Variants in ZNF148 observed in about 807,000 individuals in gnomAD.
ZNF148 encodes Beta-Enolase Repressor Factor-1.
Under a neutral mutation model 67.7 loss-of-function variants are expected in ZNF148, and 7 were observed. The ratio of observed to expected loss-of-function variants is 0.10; its 90% CI spans 0.06 to 0.19. The LOEUF is 0.19. Among genes scored for constraint, ZNF148 ranks in the 10% least tolerant of loss-of-function variants. ZNF148 has a pLI of 1.00. For synonymous variants in ZNF148, 333 were observed against 330.7 expected (o/e 1.01, Z -0.08); for missense variants, 583 against 947.1 (o/e 0.62, Z 5.05).
chr3:125,264,901 G>A (rs537481801), intron 7 of ZNF148, among the ~76,000 whole-genome samples: 5 of 152,200 alleles, frequency 3.3e-5, no homozygotes, highest in South Asian at 2.1e-4. Context: ...TTCCTTCAGG[G>A]GAAAAAAATT....
chr3:125,283,836 A>G (rs1182783516), intron 5 of ZNF148, among the ~76,000 whole-genome samples: 2 of 152,142 alleles, frequency 1.3e-5, no homozygotes, highest in Non-Finnish European at 2.9e-5. Context: ...AACAATATAT[A>G]ATAAATTGCT....
At chr3:125,253,291 T>C (rs1188664170) in intron 7 of ZNF148, among the ~76,000 whole-genome samples, 1 of 152,222 alleles carries the variant, frequency 6.6e-6, no homozygotes, top group Admixed American at 6.5e-5. Flanking sequence ...TTCTATTCAT[T>C]GGTATACATA....
intron 1 of ZNF148, among the ~76,000 whole-genome samples, chr3:125,359,518 GAAAGT>G (rs556877253): frequency 7.1e-4 from 108 of 152,174 alleles, no homozygotes; most frequent in African/African-American, 2.5e-3. Flanking sequence ...AGACAAAAAA[GAAAGT>G]AAAGAGTCCA....
intron 1 of ZNF148, among the ~76,000 whole-genome samples, chr3:125,354,467 T>C (rs12695453): frequency 0.77 from 117,707 of 152,206 alleles, 46,073 homozygotes; most frequent in African/African-American, 0.86. Flanking sequence ...GACAATACAC[T>C]GCTTAAGCAA....
At chr3:125,273,986 C>G (rs546370067) in intron 7 of ZNF148, among the ~76,000 whole-genome samples, 13 of 152,220 alleles carry the variant, frequency 8.5e-5, no homozygotes, top group African/African-American at 2.6e-4. Flanking sequence ...GTTTTTTACT[C>G]CTCAATCCCT....
chr3:125,270,547 T>C (rs1195097718), intron 7 of ZNF148, among the ~76,000 whole-genome samples: 1 of 152,210 alleles, frequency 6.6e-6, no homozygotes, highest in Non-Finnish European at 1.5e-5. Flanking sequence ...CTGTAGAATG[T>C]AAAATAATTT....
intron 1 of ZNF148, among the ~76,000 whole-genome samples, chr3:125,350,189 T>C (rs1452088048): frequency 1.3e-5 from 2 of 152,090 alleles, no homozygotes; most frequent in Non-Finnish European, 2.9e-5. Context: ...AGACAGAGTC[T>C]CACTCTGTCA....
intron 5 of ZNF148, among the ~76,000 whole-genome samples, chr3:125,285,890 T>C (rs1482957477): frequency 6.6e-6 from 1 of 152,168 alleles, no homozygotes; most frequent in Non-Finnish European, 1.5e-5. Context: ...AAATGATACA[T>C]TATAAATGAG....
At chr3:125,361,536 A>G (rs147882324) in intron 1 of ZNF148, among the ~76,000 whole-genome samples, 171 of 152,286 alleles carry the variant, frequency 1.1e-3, no homozygotes, top group African/African-American at 3.9e-3. Context: ...AGAGCCATCA[A>G]CTGAAAAGTG....
intron 7 of ZNF148, among the ~76,000 whole-genome samples, chr3:125,254,348 T>TG (rs986610740): frequency 2.0e-5 from 3 of 152,190 alleles, no homozygotes; most frequent in African/African-American, 7.2e-5. Context: ...AATGTGTACT[T>TG]GGTTACTGTT....
chr3:125,346,947 T>C (rs1484941650), intron 1 of ZNF148, among the ~76,000 whole-genome samples: 1 of 152,098 alleles, frequency 6.6e-6, no homozygotes, highest in Non-Finnish European at 1.5e-5. Flanking sequence ...GACATGATCA[T>C]ATATATAGAA....
At chr3:125,334,304 C>A (rs1432347227) in intron 1 of ZNF148, among the ~76,000 whole-genome samples, 1 of 152,064 alleles carries the variant, frequency 6.6e-6, no homozygotes, top group Non-Finnish European at 1.5e-5. Flanking sequence ...ATTAAGATTC[C>A]TAAGACATAA....
intron 1 of ZNF148, among the ~76,000 whole-genome samples, chr3:125,334,460 T>G (rs1034580911): frequency 4.6e-5 from 7 of 152,132 alleles, no homozygotes; most frequent in Admixed American, 3.9e-4. Context: ...AGCAATTAAC[T>G]CTCCCTTTGC....
chr3:125,355,184 GACA>G (rs1481096928), intron 1 of ZNF148, among the ~76,000 whole-genome samples: 3 of 152,200 alleles, frequency 2.0e-5, no homozygotes, highest in Admixed American at 6.5e-5. Context: ...TCATTCTAAT[GACA>G]ACATTGGAAA....
intron 7 of ZNF148, among the ~76,000 whole-genome samples, chr3:125,245,867 G>A (rs1181611238): frequency 6.6e-6 from 1 of 152,170 alleles, no homozygotes; most frequent in African/African-American, 2.4e-5. Context: ...CATGTTTAAA[G>A]CATACTATTG....
At chr3:125,277,589 A>T in intron 7 of ZNF148, 137 bp downstream of exon 7, 1 of 655,456 alleles carries the variant, frequency 1.5e-6, no homozygotes, top group Non-Finnish European at 2.5e-6. Context: ...GATTTATTGA[A>T]GGGAGAAAAA....
intron 4 of ZNF148, among the ~76,000 whole-genome samples, chr3:125,296,324 T>C (rs1939283471): frequency 6.6e-6 from 1 of 152,184 alleles, no homozygotes; most frequent in Admixed American, 6.5e-5. Context: ...GGGTTGGCCA[T>C]GTTGGCCAAG....
rs764400400 is a variant in ZNF148, at chr3:125,288,238, A to G, written c.334-10T>C. The G allele has an allele frequency of 2.6e-5, 42 of 1,596,742 alleles. No individual in the cohort carries two copies. In the East Asian group the frequency reaches 5.1e-4, roughly 20 times the overall value. ...CCTGCTTTACGCTTATCTGTTTAAA[A>G]AAAGAAAAGCCAATTTTAGACATAA... On this transcript the variant is annotated splice_polypyrimidine_tract_variant and intron_variant, in intron 4 of 8. Transcript: ENST00000360647.
chr3:125,353,604 T>C (rs1406468168), intron 1 of ZNF148, among the ~76,000 whole-genome samples: 2 of 152,164 alleles, frequency 1.3e-5, no homozygotes, highest in Non-Finnish European at 2.9e-5. Flanking sequence ...TATAATTTTT[T>C]CAAAATAAAG....
Sources: gnomAD v4.1 joint callset for allele counts (sites outside exome capture counted in the v4.1 genomes callset) on GRCh38, gnomAD v4.1.1 for gene constraint, MANE v1.5 for transcripts, NCBI Gene and HGNC (gene_info 2026-07-23, HGNC 2026-07-21) for gene names.